The following CSMD3 variants were observed in gnomAD, a reference collection of about 807,000 sequenced individuals.
CSMD3 encodes the protein CUB and sushi domain-containing protein 3.
A neutral mutation model predicts 435.2 loss-of-function variants in CSMD3; 177 were observed. The ratio of observed to expected loss-of-function variants is 0.41; its 90% CI spans 0.36 to 0.46. The LOEUF (loss-of-function observed/expected upper bound fraction) is 0.46, where lower values mean the gene tolerates loss of function less well. Ranked by LOEUF, CSMD3 falls within the 20% of genes least tolerant of loss-of-function variation. The pLI is 0.34. For synonymous variants in CSMD3, 1,656 were observed against 1,520.5 expected (o/e 1.09, Z -2.07); for missense variants, 4,265 against 4,504.6 (o/e 0.95, Z 1.52).
intron 22 of CSMD3, among the ~76,000 whole-genome samples, chr8:112,596,819 G>A (rs1038275623): frequency 4.1e-4 from 63 of 152,020 alleles, no homozygotes; most frequent in African/African-American, 1.2e-3. Flanking sequence ...TGAAACCAAC[G>A]AGAACAAAGA....
chr8:112,285,664 T>C (rs2052339), intron 58 of CSMD3, among the ~76,000 whole-genome samples: 30,523 of 152,088 alleles, frequency 0.2, 3,654 homozygotes, highest in East Asian at 0.36. Flanking sequence ...ATACAATAAT[T>C]TTCTAGCAAC....
intron 32 of CSMD3, among the ~76,000 whole-genome samples, chr8:112,460,666 T>C (rs924695608): frequency 3.3e-5 from 5 of 152,108 alleles, no homozygotes; most frequent in Non-Finnish European, 5.9e-5. Flanking sequence ...ATAAAATAAA[T>C]ATTATAGAAG....
intron 3 of CSMD3, among the ~76,000 whole-genome samples, chr8:113,194,483 G>A (rs1030004734): frequency 1.9e-4 from 28 of 151,242 alleles, no homozygotes; most frequent in African/African-American, 6.3e-4. Context: ...GATATATATT[G>A]TACATTTGTC....
At chr8:112,733,558 A>G (rs189133468) in intron 13 of CSMD3, among the ~76,000 whole-genome samples, 4 of 152,186 alleles carry the variant, frequency 2.6e-5, no homozygotes, top group African/African-American at 9.6e-5. Context: ...AAGAAAAACT[A>G]CAGACATAAA....
intron 27 of CSMD3, among the ~76,000 whole-genome samples, chr8:112,533,887 AC>A (rs1825787683): frequency 6.6e-6 from 1 of 152,124 alleles, no homozygotes; most frequent in African/African-American, 2.4e-5. Context: ...ACAAGTCTTG[AC>A]AAATTCCACA....
At chr8:112,264,541 C>T (rs553314021) in intron 60 of CSMD3, among the ~76,000 whole-genome samples, 1 of 151,940 alleles carries the variant, frequency 6.6e-6, no homozygotes. Context: ...ATATCTAATT[C>T]ATATCAGTAT....
At chr8:113,323,339 G>A (rs1365799532) in intron 1 of CSMD3, among the ~76,000 whole-genome samples, 1 of 151,940 alleles carries the variant, frequency 6.6e-6, no homozygotes, top group African/African-American at 2.4e-5. Context: ...ATAACCAAAC[G>A]GCTCAAATTA....
intron 11 of CSMD3, among the ~76,000 whole-genome samples, chr8:112,848,642 C>T (rs1276669598): frequency 6.6e-6 from 1 of 151,960 alleles, no homozygotes; most frequent in Admixed American, 6.6e-5. Context: ...GTACAAAGTG[C>T]TGTTTTATTT....
intron 32 of CSMD3, among the ~76,000 whole-genome samples, chr8:112,425,558 C>A (rs1174404274): frequency 6.6e-6 from 1 of 152,048 alleles, no homozygotes; most frequent in Non-Finnish European, 1.5e-5. Context: ...AGGAAACAGG[C>A]CCCCAGCTAC....
intron 11 of CSMD3, among the ~76,000 whole-genome samples, chr8:112,855,663 T>G (rs2080632935): frequency 6.6e-6 from 1 of 151,970 alleles, no homozygotes; most frequent in African/African-American, 2.4e-5. Context: ...TAGATAGATA[T>G]ATAACATACA....
Position 112,671,851 on chromosome 8 carries a change from T to C in CSMD3, c.2678-5436A>G, listed in dbSNP as rs947131966. On this transcript the variant is annotated intron_variant, in intron 16 of 70. Coordinates refer to ENST00000297405, the MANE Select transcript of CSMD3 (RefSeq NM_198123.2). ...ATAGATGAAAAGTCAGGGGGTAGAATATTTAGTCCAAAGGTTTTTAGTATA... is the reference window on the plus strand; with the variant it reads ...ATAGATGAAAAGTCAGGGGGTAGAACATTTAGTCCAAAGGTTTTTAGTATA... 2.8e-4 allele frequency among the ~76,000 whole-genome samples: 43 copies of C among 152,126 alleles called. 1 individual carries two copies. The highest frequency in any genetic ancestry group is 8.8e-5 in the Non-Finnish European group (6 of 67,994).
chr8:112,565,523 C>A (rs2131268454), intron 24 of CSMD3, among the ~76,000 whole-genome samples: 1 of 152,132 alleles, frequency 6.6e-6, no homozygotes, highest in Non-Finnish European at 1.5e-5. Context: ...GGCCATGCTC[C>A]ATGTAGATTA....
At chr8:112,231,675 T>G (rs1378300894) in intron 68 of CSMD3, 43 bp from the exon 69 acceptor site, 4 of 1,097,586 alleles carry the variant, frequency 3.6e-6, no homozygotes, top group Non-Finnish European at 4.2e-6. Context: ...ATACTGGCCA[T>G]AGCTATATTT....
At chr8:113,379,292 A>G (rs555005281) in intron 1 of CSMD3, among the ~76,000 whole-genome samples, 4 of 151,766 alleles carry the variant, frequency 2.6e-5, no homozygotes, top group African/African-American at 9.7e-5. Context: ...CTGAGAATTA[A>G]AAAAAACACA....
chr8:112,922,208 TG>T (rs1564107682), intron 9 of CSMD3, among the ~76,000 whole-genome samples: 1 of 152,056 alleles, frequency 6.6e-6, no homozygotes, highest in Non-Finnish European at 1.5e-5. Flanking sequence ...TTTCATAAGG[TG>T]TTTTTTTCTA....
chr8:113,337,095 CT>C (rs1417841644), intron 1 of CSMD3, among the ~76,000 whole-genome samples: 1 of 152,016 alleles, frequency 6.6e-6, no homozygotes, highest in Admixed American at 6.6e-5. Context: ...GTTATTGGTG[CT>C]TTTTGTGACT....
At chr8:113,105,893 G>A (rs1309311734) in intron 4 of CSMD3, among the ~76,000 whole-genome samples, 1 of 148,632 alleles carries the variant, frequency 6.7e-6, no homozygotes, top group Non-Finnish European at 1.5e-5. Context: ...AAAAAAAAAA[G>A]TACTAGCCAT....
chr8:112,480,590 C>T (rs1335295456), intron 31 of CSMD3, among the ~76,000 whole-genome samples: 1 of 151,956 alleles, frequency 6.6e-6, no homozygotes, highest in Non-Finnish European at 1.5e-5. Context: ...GTGAGTTCTC[C>T]CAAGATATGG....
At chr8:112,869,051 G>C (rs1396814964) in intron 10 of CSMD3, among the ~76,000 whole-genome samples, 1 of 152,056 alleles carries the variant, frequency 6.6e-6, no homozygotes, top group Non-Finnish European at 1.5e-5. Flanking sequence ...GAGAGAGTGG[G>C]GATTTTGGTG....
Sources: allele counts gnomAD v4.1 joint callset (sites outside exome capture counted in the v4.1 genomes callset), GRCh38; gene constraint gnomAD v4.1.1; transcripts MANE v1.5; gene names NCBI Gene and HGNC (gene_info 2026-07-23, HGNC 2026-07-21).